The following HSD17B3 variants were observed in gnomAD, a reference collection of about 807,000 sequenced individuals.
HSD17B3 encodes 17-beta-hydroxysteroid dehydrogenase type 3.
Under a neutral mutation model 41.1 loss-of-function variants are expected in HSD17B3, and 29 were observed. That is an observed-to-expected ratio of 0.71 (90% CI 0.53 to 0.96). The LOEUF (loss-of-function observed/expected upper bound fraction) is 0.96. Among genes scored for constraint, HSD17B3 ranks in the 40% least tolerant of loss-of-function variants. The probability of loss-of-function intolerance (pLI) is 0.00; values close to 1 mark genes in which losing one functional copy is unlikely to be tolerated. For synonymous variants in HSD17B3, 126 were observed against 145.6 expected (o/e 0.87, Z 0.97); for missense variants, 323 against 374.6 (o/e 0.86, Z 1.14).
intron 2 of HSD17B3, among the ~76,000 whole-genome samples, chr9:96,282,184 C>A (rs1052329934): frequency 3.3e-5 from 5 of 152,098 alleles, no homozygotes; most frequent in Non-Finnish European, 7.4e-5. Context: ...AGAATGGTGG[C>A]CTGGGTTCAA....
intron 2 of HSD17B3, chr9:96,256,137 G>C (rs1212277243): frequency 6.6e-6 from 1 of 152,202 alleles, no homozygotes; most frequent in Non-Finnish European, 1.5e-5. Flanking sequence ...ATCTGTCTCT[G>C]TGGTTTCAGT....
intron 1 of HSD17B3, among the ~76,000 whole-genome samples, chr9:96,301,240 C>T (rs1333331038): frequency 6.6e-6 from 1 of 152,012 alleles, no homozygotes; most frequent in African/African-American, 2.4e-5. Context: ...TACTTCTTTG[C>T]TCTCAAAGAG....
chr9:96,239,732 A>G (rs894835269), intron 10 of HSD17B3: 1 of 152,234 alleles, frequency 6.6e-6, no homozygotes, highest in Non-Finnish European at 1.5e-5. Flanking sequence ...TAAGTGAGGA[A>G]ACCCCATCTA....
rs34328277 is a variant in HSD17B3, at chr9:96,270,953, C to CGG, written c.202-16012_202-16011dup. On this transcript the variant is annotated intron_variant, in intron 2 of 10. Transcript: ENST00000375263. ...AGTGAGAAGATCTCTCAAATCCTCT[C>CGG]GGGGGGGGGGGTTAAGATTGATATT... 9.6e-3 allele frequency among the ~76,000 whole-genome samples: 1,190 copies of CGG among 124,154 alleles called. 23 individuals are homozygous for CGG. The highest frequency in any genetic ancestry group is 0.03 in the East Asian group (116 of 3,876). The allele number at this position is 124,154 out of a possible 152,430, so 81.4% of individuals were successfully genotyped here. A position where few individuals can be genotyped will look rare whatever the true frequency, so the allele number is the denominator to read the frequency against.
At chr9:96,243,038 C>T (rs1443202978) in intron 9 of HSD17B3, among the ~76,000 whole-genome samples, 1 of 152,212 alleles carries the variant, frequency 6.6e-6, no homozygotes, top group East Asian at 1.9e-4. Flanking sequence ...CTTCCCACTC[C>T]TTTTCCTCTG....
chr9:96,287,552 T>C (rs1307621476), intron 2 of HSD17B3, among the ~76,000 whole-genome samples: 1 of 151,220 alleles, frequency 6.6e-6, no homozygotes, highest in Non-Finnish European at 1.5e-5. Flanking sequence ...CTACTAAAAA[T>C]ACAAAAAATT....
chr9:96,284,043 C>A (rs1826809287), intron 2 of HSD17B3, among the ~76,000 whole-genome samples: 1 of 151,740 alleles, frequency 6.6e-6, no homozygotes, highest in South Asian at 2.1e-4. Flanking sequence ...TATGGTGAAA[C>A]CCCATCTCTA....
rs912464 is a variant in HSD17B3, at chr9:96,251,257, G to A, written c.453+161C>T. On this transcript the variant is annotated intron_variant, in intron 5 of 10. Transcript: ENST00000375263. Reference sequence around the variant, plus strand: ...AAAGTGGTACTCTTGACTGTGGATCGAGTGCTAAGGTGAAGAGGAAAGGGG... The same window carrying A: ...AAAGTGGTACTCTTGACTGTGGATCAAGTGCTAAGGTGAAGAGGAAAGGGG... The A allele has an allele frequency of 4.5e-3, 2,836 of 631,228 alleles. 56 individuals carry two copies. Among genetic ancestry groups the A allele is most frequent in the African/African-American group, 0.043 (2,370 of 54,760 alleles). The allele number at this position is 631,228 out of a possible 1,614,324, so 39.1% of individuals were successfully genotyped here. A position where few individuals can be genotyped will look rare whatever the true frequency, so the allele number is the denominator to read the frequency against.
intron 2 of HSD17B3, among the ~76,000 whole-genome samples, chr9:96,279,959 C>T (rs1298677837): frequency 2.0e-5 from 3 of 152,078 alleles, no homozygotes; most frequent in Non-Finnish European, 2.9e-5. Context: ...TCAGTAGAGG[C>T]GGGGTTTCAC....
chr9:96,273,174 C>T (rs13289967), intron 2 of HSD17B3, among the ~76,000 whole-genome samples: 30,188 of 151,994 alleles, frequency 0.2, 3,598 homozygotes, highest in East Asian at 0.56. Flanking sequence ...TGTACTATAG[C>T]TTTGCAAGAT....
At chr9:96,297,965 C>T (rs796551277) in intron 2 of HSD17B3, among the ~76,000 whole-genome samples, 2 of 152,152 alleles carry the variant, frequency 1.3e-5, no homozygotes, top group East Asian at 3.9e-4. Context: ...ATTAGACCTT[C>T]TTTTTATAGA....
At chr9:96,291,345 A>C in intron 2 of HSD17B3, among the ~76,000 whole-genome samples, 1 of 145,978 alleles carries the variant, frequency 6.9e-6, no homozygotes, top group African/African-American at 2.5e-5. Context: ...AGAAGCCAGA[A>C]CCCCACCCCC....
chr9:96,300,965 C>T (rs780662527), intron 1 of HSD17B3, among the ~76,000 whole-genome samples: 1 of 152,008 alleles, frequency 6.6e-6, no homozygotes, highest in Non-Finnish European at 1.5e-5. Flanking sequence ...TTGGAAACAC[C>T]TTTTAGTAAA....
intron 2 of HSD17B3, among the ~76,000 whole-genome samples, chr9:96,275,257 A>G (rs1826404105): frequency 6.6e-6 from 1 of 152,222 alleles, no homozygotes. Flanking sequence ...ATGAAAACAC[A>G]CTAAACAACA....
In HSD17B3 at chr9:96,235,568, C is replaced by T. The variant is rs202137652; in HGVS notation, c.825G>A (p.Ala275=). The part of the protein sequence containing the change: ...TCGCLAHEIL[A]GFLSLIPAWA... Reference sequence around the variant, plus strand: ...AGGCCGGGATCAGGCTCAGAAAGCCCGCCTTAAACAGAGAGAAGCATCAGT... The same window carrying T: ...AGGCCGGGATCAGGCTCAGAAAGCCTGCCTTAAACAGAGAGAAGCATCAGT... Residue 275 remains alanine (A), a splice_region_variant and synonymous_variant, in exon 11 of 11, where the codon GCG becomes GCA. Coordinates refer to ENST00000375263, the MANE Select transcript of HSD17B3 (RefSeq NM_000197.2). The T allele has an allele frequency of 2.2e-5, 36 of 1,613,226 alleles. No homozygotes were observed. The East Asian group carries it at 2.5e-4, about 11-fold the overall frequency.
chr9:96,251,631 C>G, intron 4 of HSD17B3, 146 bp from the exon 5 acceptor site: 1 of 736,058 alleles, frequency 1.4e-6, no homozygotes. Context: ...AAGTTTTTGT[C>G]CAGTAATAGG....
At chr9:96,276,254 A>C (rs1393632933) in intron 2 of HSD17B3, among the ~76,000 whole-genome samples, 1 of 152,130 alleles carries the variant, frequency 6.6e-6, no homozygotes, top group Admixed American at 6.6e-5. Context: ...ATGAAAGAAG[A>C]CACAAAAATG....
At chr9:96,270,973 G>T in intron 2 of HSD17B3, among the ~76,000 whole-genome samples, 2 of 148,010 alleles carry the variant, frequency 1.4e-5, no homozygotes. Context: ...GGTTAAGATT[G>T]ATATTATCAA....
chr9:96,297,100 G>A (rs770171566), intron 2 of HSD17B3, among the ~76,000 whole-genome samples: 1 of 151,278 alleles, frequency 6.6e-6, no homozygotes, highest in Admixed American at 6.6e-5. Context: ...AAAAAATAAT[G>A]GTATGTATAA....
Sources: allele counts gnomAD v4.1 joint callset (sites outside exome capture counted in the v4.1 genomes callset), GRCh38; gene constraint gnomAD v4.1.1; transcripts MANE v1.5; gene names NCBI Gene and HGNC (gene_info 2026-07-23, HGNC 2026-07-21).